The following SLC4A1AP variants were observed in gnomAD, a reference collection of about 807,000 sequenced individuals.
SLC4A1AP encodes kanadaptin.
In SLC4A1AP, 64 loss-of-function variants were observed where a neutral mutation model predicts 89.7. That is an observed-to-expected ratio of 0.71 (90% CI 0.58 to 0.88). The LOEUF (loss-of-function observed/expected upper bound fraction) is 0.88. SLC4A1AP is among the 40% of genes least tolerant of loss of function. The pLI, the probability that SLC4A1AP is intolerant of heterozygous loss-of-function variation, is 0.00. For synonymous variants in SLC4A1AP, 366 were observed against 353.3 expected, an observed-to-expected ratio of 1.04 and a Z score of -0.40; for missense variants, 931 against 965.0, an observed-to-expected ratio of 0.96 and a Z score of 0.47.
chr2:27,665,504 A>T (rs1370288968), intron 2 of SLC4A1AP, among the ~76,000 whole-genome samples: 1 of 152,202 alleles, frequency 6.6e-6, no homozygotes, highest in African/African-American at 2.4e-5. Flanking sequence ...TGGATTTTTT[A>T]AAAATTTATT....
intron 1 of SLC4A1AP, 79 bp downstream of exon 1, chr2:27,664,656 G>C: frequency 8.9e-7 from 1 of 1,117,690 alleles, no homozygotes; most frequent in Non-Finnish European, 1.3e-6. Context: ...GGATGAGGAA[G>C]AAGAATCTCC....
At chr2:27,674,022 G>GTGTC (rs1362504977) in intron 5 of SLC4A1AP, among the ~76,000 whole-genome samples, 2 of 149,450 alleles carry the variant, frequency 1.3e-5, no homozygotes, top group Non-Finnish European at 2.9e-5. Flanking sequence ...GTGTGTGTGT[G>GTGTC]TGTGTGTGTC....
At chr2:27,687,448 A>G (rs1675721381) in intron 10 of SLC4A1AP, among the ~76,000 whole-genome samples, 1 of 152,054 alleles carries the variant, frequency 6.6e-6, no homozygotes, top group South Asian at 2.1e-4. Flanking sequence ...AATATTGGCC[A>G]GGCATGGTGG....
At chr2:27,685,006 C>A in intron 9 of SLC4A1AP, 31 bp from the exon 10 acceptor site, 1 of 1,562,308 alleles carries the variant, frequency 6.4e-7, no homozygotes, top group South Asian at 1.2e-5. Flanking sequence ...TTAAGTAGAA[C>A]TACTTGTTCA....
At chr2:27,688,852 TAAC>T in intron 12 of SLC4A1AP, 85 bp downstream of exon 12, 1 of 1,014,048 alleles carries the variant, frequency 9.9e-7, no homozygotes, top group South Asian at 1.5e-5. Flanking sequence ...GAGACTGACT[TAAC>T]AGAGTTCCCA....
At position 27,665,313 on chromosome 2, in the gene SLC4A1AP, C is replaced by T. The variant is rs765416894; in HGVS notation, c.1021+18C>T. The stretch of plus-strand genomic sequence containing the variant: ...GGGAATGGGTAAGAAATTAAAATTG[C>T]TGCCGGAGGTTAATATTTTAAGTTC... On this transcript the variant is annotated intron_variant, in intron 2 of 13. Coordinates refer to ENST00000613058, the Ensembl canonical transcript of SLC4A1AP. 5 of 1,571,210 alleles carry T rather than the reference C, an allele frequency of 3.2e-6. No homozygotes were observed. The highest frequency in any genetic ancestry group is 4.3e-6 in the Non-Finnish European group (5 of 1,160,346).
chr2:27,682,317 G>C, exon 9 of SLC4A1AP: 3 of 1,613,884 alleles, frequency 1.9e-6, no homozygotes, highest in Non-Finnish European at 2.5e-6. Flanking sequence ...TTGGTGCCAT[G>C]AAAGGAGGAA....
Position 27,667,121 on chromosome 2 carries a change from G to T in SLC4A1AP, c.1022-147G>T, listed in dbSNP as rs1038992051. ...CCTGACCTTGTGATCCACCTGCCTT[G>T]GCCTCCCAAAGTGCTGGGATTACAG... is the stretch of plus-strand genomic sequence containing the variant. On this transcript the variant is annotated intron_variant, in intron 2 of 13. Transcript: ENST00000613058. 1.7e-5 allele frequency: 12 copies of T among 696,120 alleles called. No individual in the cohort carries two copies. In the Admixed American group the frequency reaches 3.6e-4, roughly 21 times the overall value. 43.1% of individuals were successfully genotyped at this position (696,120 alleles called of 1,614,324 possible).
chr2:27,677,989 C>A, intron 8 of SLC4A1AP, 65 bp downstream of exon 8: 1 of 1,046,356 alleles, frequency 9.6e-7, no homozygotes, highest in Non-Finnish European at 1.4e-6. Context: ...TTTCAATTAT[C>A]GCTTTATCTT....
At position 27,687,419 on chromosome 2, in the gene SLC4A1AP, C is replaced by T. The variant is rs574172854; in HGVS notation, c.2117-515C>T. Among the ~76,000 whole-genome samples, 12 of 150,638 alleles carry T rather than the reference C, an allele frequency of 8.0e-5. No individual in the cohort carries two copies. In the South Asian group the frequency reaches 8.4e-4, roughly 10 times the overall value. ...ACAAGATAGTGAAACTCTATCTCTA[C>T]AAAAAATTAAAAAAAAAAAATATTG... On this transcript the variant is annotated intron_variant, in intron 10 of 13. Transcript: ENST00000613058.
intron 12 of SLC4A1AP, 92 bp downstream of exon 12, chr2:27,688,859 G>T: frequency 1.1e-6 from 1 of 914,246 alleles, no homozygotes; most frequent in South Asian, 1.7e-5. Context: ...ACTTAACAGA[G>T]TTCCCAGCAG....
intron 6 of SLC4A1AP, among the ~76,000 whole-genome samples, chr2:27,676,570 C>T (rs1270610105): frequency 1.3e-5 from 2 of 151,956 alleles, no homozygotes; most frequent in Non-Finnish European, 2.9e-5. Flanking sequence ...GCCTGTAATC[C>T]CAGCACATTG....
intron 5 of SLC4A1AP, among the ~76,000 whole-genome samples, chr2:27,673,003 A>C (rs1000437089): frequency 1.4e-5 from 2 of 147,492 alleles, no homozygotes; most frequent in African/African-American, 2.5e-5. Context: ...GTCAACTCGT[A>C]ATCCAAAGGC....
chr2:27,686,279 A>G (rs558452254), intron 10 of SLC4A1AP, among the ~76,000 whole-genome samples: 1 of 152,342 alleles, frequency 6.6e-6, no homozygotes, highest in South Asian at 2.1e-4. Context: ...AGTATTCTGT[A>G]TCTGCATTTG....
exon 10 of SLC4A1AP, chr2:27,685,158 A>C: frequency 6.2e-7 from 1 of 1,614,164 alleles, no homozygotes; most frequent in Non-Finnish European, 8.5e-7. Flanking sequence ...GAGCATGAAA[A>C]GAAAAAACTG....
intron 10 of SLC4A1AP, 25 bp from the exon 11 acceptor site, chr2:27,687,909 T>A: frequency 1.9e-6 from 3 of 1,544,562 alleles, no homozygotes; most frequent in Non-Finnish European, 2.7e-6. Flanking sequence ...ATCATGACAA[T>A]ATGATTTGAT....
rs760307861 is a variant in SLC4A1AP at position 27,675,502 on chromosome 2, T to A, written c.1346-30T>A. The A allele has an allele frequency of 3.4e-6, 5 of 1,492,054 alleles. No individual in the cohort carries two copies. The African/African-American group carries it at 7.1e-5, about 21-fold the overall frequency. The allele number at this position is 1,492,054 out of a possible 1,614,324, so 92.4% of individuals were successfully genotyped here. On this transcript the variant is annotated intron_variant, in intron 5 of 13. Coordinates refer to ENST00000613058, the Ensembl canonical transcript of SLC4A1AP. ...TCTTTTTCTTTTCTTTTTTAAAAAC[T>A]TATTTATTCATCATTTTATCTACCT...
intron 9 of SLC4A1AP, among the ~76,000 whole-genome samples, chr2:27,682,936 C>T (rs1304828849): frequency 6.6e-6 from 1 of 152,160 alleles, no homozygotes; most frequent in East Asian, 1.9e-4. Flanking sequence ...ATTAATTTCT[C>T]ATGAATGTTG....
intron 7 of SLC4A1AP, 45 bp from the exon 8 acceptor site, chr2:27,677,693 T>A: frequency 6.7e-7 from 1 of 1,482,254 alleles, no homozygotes; most frequent in Non-Finnish European, 9.1e-7. Flanking sequence ...TTTTAAAATA[T>A]TCAGGATCAT....
Sources: gnomAD v4.1 joint callset for allele counts (sites outside exome capture counted in the v4.1 genomes callset) on GRCh38, gnomAD v4.1.1 for gene constraint, MANE v1.5 for transcripts, NCBI Gene and HGNC (gene_info 2026-07-23, HGNC 2026-07-21) for gene names.